XIRP2: variants seen among roughly 807,000 people sequenced by gnomAD.
The protein encoded by XIRP2 is xin actin binding repeat containing 2, also known as xin actin-binding repeat-containing protein 2.
Under a neutral mutation model 277.0 loss-of-function variants are expected in XIRP2, and 236 were observed. The observed-to-expected ratio is 0.85, with a 90% CI of 0.77 to 0.95. XIRP2 has a LOEUF of 0.95. Ranked by LOEUF, XIRP2 falls within the 40% of genes least tolerant of loss-of-function variation. The probability of loss-of-function intolerance (pLI) is 0.00; values close to 1 mark genes in which losing one functional copy is unlikely to be tolerated. For synonymous variants in XIRP2, 1,490 were observed against 1,416.5 expected (o/e 1.05, Z -1.17); for missense variants, 4,640 against 4,157.5 (o/e 1.12, Z -3.19).
At chr2:167,007,855 G>A (rs1378285025) in intron 2 of XIRP2, among the ~76,000 whole-genome samples, 1 of 151,500 alleles carries the variant, frequency 6.6e-6, no homozygotes, top group African/African-American at 2.4e-5. Context: ...TTAAAATGTG[G>A]AAGGGGAAGT....
chr2:166,968,038 T>C (rs1365867298), intron 2 of XIRP2, among the ~76,000 whole-genome samples: 2 of 151,990 alleles, frequency 1.3e-5, no homozygotes, highest in African/African-American at 4.8e-5. Context: ...TAAAAGAATA[T>C]ATTTAGCTAC....
intron 2 of XIRP2, among the ~76,000 whole-genome samples, chr2:167,112,929 A>G (rs1436641158): frequency 2.6e-5 from 4 of 152,140 alleles, no homozygotes; most frequent in African/African-American, 7.2e-5. Flanking sequence ...TGATGAGGTT[A>G]CAGGCACGAA....
chr2:166,911,035 A>G (rs922241311), intron 2 of XIRP2, among the ~76,000 whole-genome samples: 2 of 152,128 alleles, frequency 1.3e-5, no homozygotes, highest in Non-Finnish European at 2.9e-5. Context: ...ACTTCCAACT[A>G]TGTGGTCAAT....
chr2:166,967,168 A>G (rs1365280784), intron 2 of XIRP2, among the ~76,000 whole-genome samples: 1 of 151,932 alleles, frequency 6.6e-6, no homozygotes, highest in African/African-American at 2.4e-5. Flanking sequence ...TTTTACCACC[A>G]TAGTAAAGAA....
intron 2 of XIRP2, among the ~76,000 whole-genome samples, chr2:167,045,005 T>C (rs1574200061): frequency 6.7e-6 from 1 of 150,112 alleles, no homozygotes; most frequent in African/African-American, 2.4e-5. Context: ...CTATACTGAA[T>C]GGCTACAGTA....
At chr2:166,976,956 G>A (rs1367794713) in intron 2 of XIRP2, among the ~76,000 whole-genome samples, 1 of 152,100 alleles carries the variant, frequency 6.6e-6, no homozygotes, top group Non-Finnish European at 1.5e-5. Context: ...GTCTTCGGAT[G>A]CATTTTTCAG....
Position 167,243,660 on chromosome 2 carries a change from T to A in XIRP2, c.2268T>A (p.Thr756=). The A allele has an allele frequency of 6.2e-7, 1 of 1,613,948 alleles. No individual in the cohort carries two copies. Among genetic ancestry groups the A allele is most frequent in the Non-Finnish European group, 8.5e-7 (1 of 1,179,966 alleles). ...DGSGQMLEIK[T]VHREDVEKGD... ...CGGGCCAAATGCTGGAAATTAAAAC[T>A]GTTCACAGAGAAGACGTTGAAAAGG... is the stretch of plus-strand genomic sequence containing the variant. Residue 756 remains threonine (T), a synonymous_variant, in exon 9 of 11, where the codon ACT becomes ACA. Coordinates refer to ENST00000409195, the MANE Select transcript of XIRP2 (RefSeq NM_152381.6).
intron 3 of XIRP2, among the ~76,000 whole-genome samples, chr2:167,183,659 C>A (rs1471152818): frequency 6.6e-6 from 1 of 151,694 alleles, no homozygotes; most frequent in East Asian, 1.9e-4. Flanking sequence ...TGTGTTATTT[C>A]TTATATTTTC....
chr2:167,163,934 G>C (rs1692447808), intron 3 of XIRP2, among the ~76,000 whole-genome samples: 1 of 152,146 alleles, frequency 6.6e-6, no homozygotes, highest in African/African-American at 2.4e-5. Context: ...CTTTGGTGCT[G>C]TTGTCAAAAT....
chr2:167,080,054 G>C lies in XIRP2; in HGVS notation c.409-55855G>C, dbSNP rs373845770. 5.3e-5 allele frequency among the ~76,000 whole-genome samples: 8 copies of C among 151,772 alleles called. No homozygotes were observed. The East Asian group carries it at 1.4e-3, about 26-fold the overall frequency. On this transcript the variant is annotated intron_variant, in intron 2 of 10. Transcript: ENST00000409195. ...ATAAAATAAAATAAAACAGACTGTT[G>C]GTGTCCAAAAAAAAGAGGCCAGTTA...
At chr2:166,986,648 A>T in intron 2 of XIRP2, among the ~76,000 whole-genome samples, 1 of 152,246 alleles carries the variant, frequency 6.6e-6, no homozygotes, top group South Asian at 2.1e-4. Context: ...ACTAATCAAT[A>T]AAAGGGCAGT....
intron 2 of XIRP2, among the ~76,000 whole-genome samples, chr2:167,032,549 A>G (rs1688394060): frequency 6.6e-6 from 1 of 152,200 alleles, no homozygotes; most frequent in Non-Finnish European, 1.5e-5. Context: ...CAATGTATCC[A>G]TCTGACAAAG....
At chr2:167,211,031 A>G in intron 4 of XIRP2, 136 bp downstream of exon 4, 1 of 1,060,032 alleles carries the variant, frequency 9.4e-7, no homozygotes, top group East Asian at 2.6e-5. Context: ...TGTGTGAAAT[A>G]AATCCAGACT....
intron 2 of XIRP2, among the ~76,000 whole-genome samples, chr2:167,061,096 A>C (rs1381532574): frequency 6.6e-6 from 1 of 152,086 alleles, no homozygotes; most frequent in Non-Finnish European, 1.5e-5. Flanking sequence ...TTTATCCCCA[A>C]TTATTTCTCA....
At chr2:166,899,957 G>T (rs149745468) in intron 1 of XIRP2, among the ~76,000 whole-genome samples, 1 of 151,928 alleles carries the variant, frequency 6.6e-6, no homozygotes, top group African/African-American at 2.4e-5. Flanking sequence ...TGGGAGTAGC[G>T]ACTACCAGGA....
chr2:167,099,878 A>T (rs1322226629), intron 2 of XIRP2, among the ~76,000 whole-genome samples: 1 of 152,114 alleles, frequency 6.6e-6, no homozygotes, highest in Non-Finnish European at 1.5e-5. Context: ...CAGGTACCTC[A>T]GTTGAAAATG....
At chr2:166,895,146 C>T (rs911603178) in intron 1 of XIRP2, among the ~76,000 whole-genome samples, 3 of 152,246 alleles carry the variant, frequency 2.0e-5, no homozygotes, top group East Asian at 1.9e-4. Context: ...CAAGCCAACT[C>T]CTAACAAGGA....
intron 2 of XIRP2, among the ~76,000 whole-genome samples, chr2:167,085,926 C>A (rs4667530): frequency 6.6e-6 from 1 of 151,324 alleles, no homozygotes; most frequent in East Asian, 1.9e-4. Flanking sequence ...TTAATTGGAA[C>A]ATTTAGCCCA....
chr2:166,994,468 A>T lies in XIRP2; in HGVS notation c.408+90578A>T, dbSNP rs1250807753. On this transcript the variant is annotated intron_variant, in intron 2 of 10. Transcript: ENST00000409195. Reference sequence around the variant, plus strand: ...AATGTGCACATGTACCCTAAAACTTAGAGTATAATAAAAAAAAAAAAATTA... The same window carrying T: ...AATGTGCACATGTACCCTAAAACTTTGAGTATAATAAAAAAAAAAAAATTA... 3.1e-5 allele frequency among the ~76,000 whole-genome samples: 4 copies of T among 129,026 alleles called. No individual in the cohort carries two copies. The East Asian group carries it at 1.4e-3, about 44-fold the overall frequency. 84.6% of individuals were successfully genotyped at this position (129,026 alleles called of 152,430 possible).
Sources: gnomAD v4.1 joint callset for allele counts (sites outside exome capture counted in the v4.1 genomes callset) on GRCh38, gnomAD v4.1.1 for gene constraint, MANE v1.5 for transcripts, NCBI Gene and HGNC (gene_info 2026-07-23, HGNC 2026-07-21) for gene names.